Variants in PIP4K2A observed in about 807,000 individuals in gnomAD.
PIP4K2A encodes phosphatidylinositol-5-phosphate 4-kinase type 2 alpha.
Under a neutral mutation model 42.9 loss-of-function variants are expected in PIP4K2A, and 14 were observed. The ratio of observed to expected loss-of-function variants is 0.33; its 90% confidence interval spans 0.22 to 0.51. The LOEUF is 0.51. PIP4K2A is among the 20% of genes least tolerant of loss of function. The probability of loss-of-function intolerance (pLI) is 0.97; values close to 1 mark genes in which losing one functional copy is unlikely to be tolerated. For missense variants in PIP4K2A, 434 were observed against 519.8 expected, an observed-to-expected ratio of 0.83 and a Z score of 1.61; for synonymous variants, 192 against 192.2, an observed-to-expected ratio of 1.00 and a Z score of 0.01.
intron 6 of PIP4K2A, among the ~76,000 whole-genome samples, chr10:22,553,562 G>A (rs1371821638): frequency 6.6e-6 from 1 of 152,184 alleles, no homozygotes. Flanking sequence ...AGGAAACTGA[G>A]ATCATGCAAT....
chr10:22,640,211 T>C lies in PIP4K2A; in HGVS notation c.145-30494A>G, dbSNP rs559396099. Among the ~76,000 whole-genome samples the C allele has an allele frequency of 2.6e-5, 4 of 152,220 alleles. No homozygotes were observed. In the South Asian group the frequency reaches 6.2e-4, roughly 24 times the overall value. ...TTTTGAAATTGTTAATTTTAGAATA[T>C]TGAAAGAAAATGTTTGACTTAACAG... On this transcript the variant is annotated intron_variant, in intron 1 of 9. Coordinates refer to ENST00000376573, the MANE Select transcript of PIP4K2A (RefSeq NM_005028.5).
intron 3 of PIP4K2A, among the ~76,000 whole-genome samples, chr10:22,594,422 T>C (rs1837583675): frequency 6.6e-6 from 1 of 152,200 alleles, no homozygotes; most frequent in Non-Finnish European, 1.5e-5. Context: ...TTGAGACAGG[T>C]TCTCACTGTG....
chr10:22,706,331 T>C (rs986749056), intron 1 of PIP4K2A, among the ~76,000 whole-genome samples: 3 of 152,186 alleles, frequency 2.0e-5, no homozygotes. Context: ...GCAGATCTCC[T>C]ACCACTATAT....
In PIP4K2A at chr10:22,640,855, C is replaced by T. The variant is rs569571719; in HGVS notation, c.145-31138G>A. Reference sequence around the variant, plus strand: ...AAAGGGAATGATGTTTAATATTCTACATAAACATAGAGCAAGGATGTGGAG... The same window carrying T: ...AAAGGGAATGATGTTTAATATTCTATATAAACATAGAGCAAGGATGTGGAG... On this transcript the variant is annotated intron_variant, in intron 1 of 9. Transcript: ENST00000376573. Among the ~76,000 whole-genome samples, 35 of 152,152 alleles carry T rather than the reference C, an allele frequency of 2.3e-4. No homozygotes were observed. The South Asian group carries it at 3.5e-3, about 15-fold the overall frequency.
In PIP4K2A at chr10:22,583,439, G is replaced by A. The variant is rs1001283567; in HGVS notation, c.492+8190C>T. On this transcript the variant is annotated intron_variant, in intron 4 of 9. Transcript: ENST00000376573. Reference sequence around the variant, plus strand: ...ATCATTTGGGCAGGTGCACCGGAGAGCAGGTGTGCCCAGGGAGCATGTGAG... The same window carrying A: ...ATCATTTGGGCAGGTGCACCGGAGAACAGGTGTGCCCAGGGAGCATGTGAG... Among the ~76,000 whole-genome samples, 3 of 152,316 alleles carry A rather than the reference G, an allele frequency of 2.0e-5. No homozygotes were observed. The South Asian group carries it at 6.2e-4, about 32-fold the overall frequency.
At chr10:22,594,281 G>A (rs1342669901) in intron 3 of PIP4K2A, among the ~76,000 whole-genome samples, 2 of 152,176 alleles carry the variant, frequency 1.3e-5, no homozygotes, top group Non-Finnish European at 2.9e-5. Flanking sequence ...TACACCTCTA[G>A]TTCGATTAAA....
chr10:22,672,178 A>G (rs1401952762), intron 1 of PIP4K2A, among the ~76,000 whole-genome samples: 1 of 152,148 alleles, frequency 6.6e-6, no homozygotes, highest in Non-Finnish European at 1.5e-5. Flanking sequence ...GAGGCCAGCT[A>G]TCTAACACAT....
chr10:22,664,060 T>TATACACACACACACACACACACAC (rs570101374), intron 1 of PIP4K2A, among the ~76,000 whole-genome samples: 11 of 83,094 alleles, frequency 1.3e-4, no homozygotes, highest in Non-Finnish European at 2.1e-4. Context: ...TATGTATATA[T>TATACACACACACACACACACACAC]ACATATATAT....
intron 1 of PIP4K2A, among the ~76,000 whole-genome samples, chr10:22,647,087 G>C (rs1838900676): frequency 6.6e-6 from 1 of 152,200 alleles, no homozygotes; most frequent in African/African-American, 2.4e-5. Flanking sequence ...AAGATGGAAA[G>C]CTGCTTTTTA....
intron 1 of PIP4K2A, among the ~76,000 whole-genome samples, chr10:22,661,259 A>T (rs1839199350): frequency 6.6e-6 from 1 of 152,028 alleles, no homozygotes; most frequent in Non-Finnish European, 1.5e-5. Context: ...GAGTTTTCTC[A>T]TGAAAGCAAC....
chr10:22,662,672 G>C (rs576548992), intron 1 of PIP4K2A, among the ~76,000 whole-genome samples: 1 of 152,174 alleles, frequency 6.6e-6, no homozygotes, highest in African/African-American at 2.4e-5. Flanking sequence ...ATGACTGCTT[G>C]AATGGTTGAA....
intron 5 of PIP4K2A, among the ~76,000 whole-genome samples, chr10:22,570,741 T>G (rs1836964625): frequency 6.6e-6 from 1 of 152,184 alleles, no homozygotes; most frequent in African/African-American, 2.4e-5. Flanking sequence ...CGTCTTGATA[T>G]TTGTATAAAT....
intron 9 of PIP4K2A, among the ~76,000 whole-genome samples, chr10:22,538,469 G>C (rs188945271): frequency 6.6e-4 from 101 of 152,278 alleles, no homozygotes; most frequent in Non-Finnish European, 1.2e-3. Context: ...TGTATCTCTG[G>C]CAAAACCCCA....
intron 9 of PIP4K2A, among the ~76,000 whole-genome samples, chr10:22,538,030 G>A (rs1835981091): frequency 6.6e-6 from 1 of 152,234 alleles, no homozygotes. Flanking sequence ...GCAGGGTGCA[G>A]GCCAGCACAC....
intron 1 of PIP4K2A, among the ~76,000 whole-genome samples, chr10:22,664,170 T>TAC (rs59125871): frequency 0.064 from 3,944 of 61,688 alleles, 263 homozygotes; most frequent in Non-Finnish European, 0.079. Context: ...TATATATACA[T>TAC]ATATATATAT....
chr10:22,555,110 T>C (rs1345209007), intron 6 of PIP4K2A, among the ~76,000 whole-genome samples: 5 of 152,226 alleles, frequency 3.3e-5, no homozygotes, highest in Non-Finnish European at 1.5e-5. Flanking sequence ...TCGGATAAAA[T>C]GAGCCCTTCA....
intron 1 of PIP4K2A, among the ~76,000 whole-genome samples, chr10:22,672,827 C>A (rs1839481512): frequency 6.6e-6 from 1 of 152,170 alleles, no homozygotes; most frequent in African/African-American, 2.4e-5. Context: ...ACAGTTAATA[C>A]CCAGCCCTCA....
intron 1 of PIP4K2A, among the ~76,000 whole-genome samples, chr10:22,634,242 C>T (rs184158740): frequency 6.6e-5 from 10 of 152,326 alleles, no homozygotes; most frequent in Admixed American, 2.0e-4. Flanking sequence ...AGTGGCCTTG[C>T]CTGTTTCATT....
At chr10:22,604,587 C>G (rs191984385) in intron 3 of PIP4K2A, among the ~76,000 whole-genome samples, 101 of 152,304 alleles carry the variant, frequency 6.6e-4, no homozygotes, top group African/African-American at 2.1e-3. Flanking sequence ...CTATGAGAGC[C>G]TAGGTCACTG....
Sources: allele counts gnomAD v4.1 joint callset (sites outside exome capture counted in the v4.1 genomes callset), GRCh38; gene constraint gnomAD v4.1.1; transcripts MANE v1.5; gene names NCBI Gene and HGNC (gene_info 2026-07-23, HGNC 2026-07-21).